Variants in GPR39 observed in about 807,000 individuals in gnomAD.
GPR39 encodes the protein zinc sensing receptor.
GPR39 carries 23 observed loss-of-function variants against 18.4 expected under a neutral mutation model. The observed-to-expected ratio is 1.25, with a 90% CI of 0.90 to 1.77. The LOEUF (loss-of-function observed/expected upper bound fraction) is 1.77, where lower values mean the gene tolerates loss of function less well. Ranked by LOEUF, GPR39 falls within the 40% of genes most tolerant of loss-of-function variation. The pLI is 0.00. For synonymous variants in GPR39, 280 were observed against 257.9 expected (o/e 1.09, Z -0.82); for missense variants, 647 against 602.4 (o/e 1.07, Z -0.78).
In GPR39 at chr2:132,432,438, A is replaced by G. The variant is rs147560780; in HGVS notation, c.856+14540A>G. On this transcript the variant is annotated intron_variant, in intron 1 of 1. Transcript: ENST00000329321. ...CCAACATACAGATTTGAAGGACACA[A>G]AAATTCAGACCATAGCATCCTCTGT... 3.5e-3 allele frequency among the ~76,000 whole-genome samples: 536 copies of G among 152,300 alleles called. 4 individuals are homozygous for G. The highest frequency in any genetic ancestry group is 0.012 in the African/African-American group (518 of 41,570).
chr2:132,586,046 G>A (rs1013335666), intron 1 of GPR39, among the ~76,000 whole-genome samples: 1 of 145,802 alleles, frequency 6.9e-6, no homozygotes, highest in Non-Finnish European at 1.5e-5. Context: ...TCTGATTCAC[G>A]GCTGCTGCCG....
At chr2:132,462,718 A>G (rs880842) in intron 1 of GPR39, among the ~76,000 whole-genome samples, 7,556 of 152,244 alleles carry the variant, frequency 0.05, 567 homozygotes, top group African/African-American at 0.17. Context: ...GCTCAGCCAC[A>G]CACTAGCCTG....
chr2:132,599,157 G>A (rs370468475), intron 1 of GPR39, among the ~76,000 whole-genome samples: 1 of 151,770 alleles, frequency 6.6e-6, no homozygotes, highest in African/African-American at 2.4e-5. Flanking sequence ...GCTCCTGCTG[G>A]GCAGATAATC....
chr2:132,497,408 C>A (rs138926740), intron 1 of GPR39, among the ~76,000 whole-genome samples: 1 of 151,920 alleles, frequency 6.6e-6, no homozygotes, highest in East Asian at 1.9e-4. Flanking sequence ...TGGGAGAATC[C>A]GAAAGGAAAA....
At position 132,646,405 on chromosome 2, in the gene GPR39, T is replaced by G; in HGVS notation, c.*799T>G. The G allele has an allele frequency of 2.0e-6, 1 of 502,828 alleles. No individual in the cohort carries two copies. Among genetic ancestry groups the G allele is most frequent in the Non-Finnish European group, 3.3e-6 (1 of 300,018 alleles). 31.1% of individuals were successfully genotyped at this position (502,828 alleles called of 1,614,324 possible). ...CCCACAGCCCAGAGACTAGGTGAGG[T>G]CAGGGAAGTGCTTCGGATTGTCTCA... On this transcript the variant is annotated 3_prime_UTR_variant, in exon 2 of 2. Coordinates refer to ENST00000329321, the MANE Select transcript of GPR39 (RefSeq NM_001508.3).
intron 1 of GPR39, among the ~76,000 whole-genome samples, chr2:132,434,953 C>T (rs569117763): frequency 4.6e-5 from 7 of 152,208 alleles, no homozygotes; most frequent in East Asian, 3.9e-4. Context: ...TCCAAATCAA[C>T]GCCAGATGAC....
At chr2:132,585,965 T>TG (rs1680721993) in intron 1 of GPR39, among the ~76,000 whole-genome samples, 1 of 144,436 alleles carries the variant, frequency 6.9e-6, no homozygotes, top group Non-Finnish European at 1.5e-5. Context: ...TTTTTTTTTT[T>TG]TTTTTTTAAT....
chr2:132,440,579 C>T (rs1162354751), intron 1 of GPR39, among the ~76,000 whole-genome samples: 6 of 152,038 alleles, frequency 3.9e-5, no homozygotes, highest in Admixed American at 6.5e-5. Context: ...TAAATACCAA[C>T]GCGGTGCTTG....
At chr2:132,623,267 A>G (rs1681478289) in intron 1 of GPR39, among the ~76,000 whole-genome samples, 1 of 152,186 alleles carries the variant, frequency 6.6e-6, no homozygotes, top group Admixed American at 6.5e-5. Context: ...GGACGAGGGA[A>G]GCCCAGCACA....
At chr2:132,633,862 G>A (rs754582349) in intron 1 of GPR39, among the ~76,000 whole-genome samples, 3 of 151,616 alleles carry the variant, frequency 2.0e-5, no homozygotes, top group Non-Finnish European at 2.9e-5. Context: ...GGGTGGTAGC[G>A]GCATTGGTGT....
At chr2:132,619,658 G>A (rs1681399213) in intron 1 of GPR39, among the ~76,000 whole-genome samples, 1 of 152,088 alleles carries the variant, frequency 6.6e-6, no homozygotes, top group South Asian at 2.1e-4. Flanking sequence ...CAGCCTCCTG[G>A]GAGGAAAGGT....
At chr2:132,593,931 G>T (rs1033320778) in intron 1 of GPR39, among the ~76,000 whole-genome samples, 1 of 152,118 alleles carries the variant, frequency 6.6e-6, no homozygotes, top group African/African-American at 2.4e-5. Flanking sequence ...GTCACCCATC[G>T]TTGCCTAGAA....
intron 1 of GPR39, among the ~76,000 whole-genome samples, chr2:132,420,835 A>G (rs1679995213): frequency 6.6e-6 from 1 of 152,182 alleles, no homozygotes; most frequent in South Asian, 2.1e-4. Flanking sequence ...GAATAAGGAA[A>G]ACACATTGGG....
At chr2:132,574,710 G>C (rs1431105410) in intron 1 of GPR39, among the ~76,000 whole-genome samples, 1 of 152,202 alleles carries the variant, frequency 6.6e-6, no homozygotes, top group Non-Finnish European at 1.5e-5. Context: ...ACTCTAGTCT[G>C]GGTGACAGAG....
intron 1 of GPR39, among the ~76,000 whole-genome samples, chr2:132,538,159 T>C (rs1679793703): frequency 6.6e-6 from 1 of 152,200 alleles, no homozygotes; most frequent in Admixed American, 6.5e-5. Flanking sequence ...GTTTTTGCCC[T>C]GATTTTTCCT....
intron 1 of GPR39, among the ~76,000 whole-genome samples, chr2:132,558,654 C>T (rs1050818061): frequency 2.6e-5 from 4 of 152,106 alleles, no homozygotes; most frequent in Admixed American, 1.3e-4. Context: ...ATTAACAAGA[C>T]GATGCACTTG....
chr2:132,463,368 C>A (rs1318670688), intron 1 of GPR39, among the ~76,000 whole-genome samples: 2 of 148,876 alleles, frequency 1.3e-5, no homozygotes, highest in East Asian at 3.9e-4. Flanking sequence ...AACCTCTGTT[C>A]TCTTGCTTGG....
chr2:132,473,327 G>C (rs1681067172), intron 1 of GPR39, among the ~76,000 whole-genome samples: 1 of 152,086 alleles, frequency 6.6e-6, no homozygotes, highest in Non-Finnish European at 1.5e-5. Flanking sequence ...CACCATGTAT[G>C]TGTTCTCTTA....
intron 1 of GPR39, among the ~76,000 whole-genome samples, chr2:132,606,461 C>T (rs1681139482): frequency 6.6e-6 from 1 of 152,214 alleles, no homozygotes; most frequent in African/African-American, 2.4e-5. Context: ...TGCCACACTG[C>T]CCAAACCCCA....
Sources: gnomAD v4.1 joint callset for allele counts (sites outside exome capture counted in the v4.1 genomes callset) on GRCh38, gnomAD v4.1.1 for gene constraint, MANE v1.5 for transcripts, NCBI Gene and HGNC (gene_info 2026-07-23, HGNC 2026-07-21) for gene names.